ST6GAL1: variants seen among roughly 807,000 people sequenced by gnomAD.
ST6GAL1 encodes the protein ST6 beta-galactoside alpha-2,6-sialyltransferase 1.
In ST6GAL1, 20 loss-of-function variants were observed where a neutral mutation model predicts 38.0. The ratio of observed to expected loss-of-function variants is 0.53; its 90% CI spans 0.37 to 0.77. The LOEUF is 0.77. Ranked by LOEUF, ST6GAL1 falls within the 30% of genes least tolerant of loss-of-function variation. The pLI is 0.00. For synonymous variants in ST6GAL1, 196 were observed against 188.2 expected (o/e 1.04, Z -0.34); for missense variants, 432 against 496.4 (o/e 0.87, Z 1.23).
At chr3:186,943,062 G>A (rs1320805732) in intron 1 of ST6GAL1, among the ~76,000 whole-genome samples, 1 of 152,170 alleles carries the variant, frequency 6.6e-6, no homozygotes, top group Non-Finnish European at 1.5e-5. Context: ...TGCTTCCAGA[G>A]CTTAGTTGAA....
chr3:187,063,469 A>G (rs149892556), intron 5 of ST6GAL1, among the ~76,000 whole-genome samples: 1 of 152,332 alleles, frequency 6.6e-6, no homozygotes, highest in East Asian at 1.9e-4. Flanking sequence ...TGATGAATGG[A>G]GTAGGATTTC....
chr3:187,072,556 G>A (rs1719420915), intron 5 of ST6GAL1: 1 of 374,678 alleles, frequency 2.7e-6, no homozygotes, highest in South Asian at 2.2e-5. Flanking sequence ...CCAGGAGGCT[G>A]GGATGCCGTG....
chr3:187,022,920 C>T (rs1717380922), intron 2 of ST6GAL1, among the ~76,000 whole-genome samples: 1 of 152,100 alleles, frequency 6.6e-6, no homozygotes, highest in Admixed American at 6.6e-5. Flanking sequence ...CCTTTTATGG[C>T]CTTAGGTATT....
At chr3:187,060,092 T>C (rs576455322) in intron 5 of ST6GAL1, among the ~76,000 whole-genome samples, 360 of 152,218 alleles carry the variant, frequency 2.4e-3, no homozygotes, top group Non-Finnish European at 4.0e-3. Flanking sequence ...GGTGAGTATA[T>C]GTGGGACTAT....
chr3:187,053,224 A>G (rs1326332731), intron 5 of ST6GAL1, among the ~76,000 whole-genome samples: 1 of 152,132 alleles, frequency 6.6e-6, no homozygotes, highest in African/African-American at 2.4e-5. Flanking sequence ...ATAGGTTACA[A>G]AAATTTTCTC....
intron 1 of ST6GAL1, among the ~76,000 whole-genome samples, chr3:186,932,109 C>G (rs911720282): frequency 1.3e-5 from 2 of 151,016 alleles, no homozygotes; most frequent in East Asian, 3.9e-4. Flanking sequence ...GCTGCCTCAC[C>G]TTGGCTAGTG....
intron 5 of ST6GAL1, 194 bp from the exon 6 acceptor site, chr3:187,072,655 G>A: frequency 3.4e-6 from 2 of 583,916 alleles, no homozygotes; most frequent in South Asian, 1.7e-5. Context: ...TGTGATAAAT[G>A]TCCTTTCAGG....
intron 5 of ST6GAL1, among the ~76,000 whole-genome samples, chr3:187,068,465 T>G (rs913212293): frequency 6.7e-6 from 1 of 150,278 alleles, no homozygotes; most frequent in Non-Finnish European, 1.5e-5. Context: ...TCTATTTCTT[T>G]AATCATAAAA....
At chr3:186,980,603 CAA>C (rs34503745) in intron 2 of ST6GAL1, among the ~76,000 whole-genome samples, 4,689 of 92,142 alleles carry the variant, frequency 0.051, 139 homozygotes, top group African/African-American at 0.12. Flanking sequence ...ACTAAAATTA[CAA>C]AAAAAAAAAA....
intron 2 of ST6GAL1, among the ~76,000 whole-genome samples, chr3:187,019,757 AC>A (rs1717233452): frequency 1.3e-5 from 2 of 152,244 alleles, no homozygotes; most frequent in Non-Finnish European, 2.9e-5. Context: ...TCTGGGGGCA[AC>A]AGGGTGTCAA....
At chr3:186,954,205 C>T (rs1714673793) in intron 1 of ST6GAL1, among the ~76,000 whole-genome samples, 1 of 152,164 alleles carries the variant, frequency 6.6e-6, no homozygotes, top group Non-Finnish European at 1.5e-5. Context: ...TGTATATGTA[C>T]CACATTTTCT....
chr3:187,046,193 AC>A (rs1481568370), intron 4 of ST6GAL1, among the ~76,000 whole-genome samples: 22 of 152,196 alleles, frequency 1.4e-4, no homozygotes, highest in Non-Finnish European at 2.9e-4. Context: ...AAAGGACCTT[AC>A]CTGAGAGGGC....
chr3:187,048,354 C>T (rs553660974), intron 4 of ST6GAL1, among the ~76,000 whole-genome samples: 8 of 152,254 alleles, frequency 5.3e-5, no homozygotes, highest in South Asian at 4.1e-4. Context: ...TTTTCTTCCC[C>T]TCACTCCTTG....
At chr3:187,004,273 C>T (rs1466431068) in intron 2 of ST6GAL1, among the ~76,000 whole-genome samples, 2 of 152,222 alleles carry the variant, frequency 1.3e-5, no homozygotes, top group Non-Finnish European at 2.9e-5. Context: ...ATTAAATCTC[C>T]TTTCTCTGTA....
chr3:186,938,872 A>G (rs1714059664), intron 1 of ST6GAL1, among the ~76,000 whole-genome samples: 1 of 152,104 alleles, frequency 6.6e-6, no homozygotes, highest in Non-Finnish European at 1.5e-5. Context: ...AGCCATAGCT[A>G]TTTCAGTCAC....
Position 187,076,818 on chromosome 3 carries a change from A to G in ST6GAL1, c.*1015A>G, listed in dbSNP as rs1028508016. The G allele has an allele frequency of 6.8e-5, 27 of 399,012 alleles. No individual in the cohort carries two copies. Among genetic ancestry groups the G allele is most frequent in the African/African-American group, 5.1e-4 (25 of 48,730 alleles). 24.7% of individuals were successfully genotyped at this position (399,012 alleles called of 1,614,324 possible). A position where few individuals can be genotyped will look rare whatever the true frequency, so the allele number is the denominator to read the frequency against. Reference sequence around the variant, plus strand: ...CCTCCTACCCATGTCTGAGGTAGCAAGTGCAGCCTCACGACAGATACCAGG... The same window carrying G: ...CCTCCTACCCATGTCTGAGGTAGCAGGTGCAGCCTCACGACAGATACCAGG... On this transcript the variant is annotated 3_prime_UTR_variant, in exon 8 of 8. Transcript: ENST00000169298.
intron 2 of ST6GAL1, among the ~76,000 whole-genome samples, chr3:186,988,920 A>G (rs558467219): frequency 1.2e-3 from 187 of 152,268 alleles, no homozygotes; most frequent in African/African-American, 4.4e-3. Context: ...ACCCTGTGTC[A>G]AAACAAAAAA....
intron 5 of ST6GAL1, among the ~76,000 whole-genome samples, chr3:187,057,591 AC>A (rs1718751684): frequency 6.6e-6 from 1 of 152,080 alleles, no homozygotes; most frequent in Non-Finnish European, 1.5e-5. Context: ...TCCACTCCAG[AC>A]CCTGTTTGCC....
At position 187,008,823 on chromosome 3, in the gene ST6GAL1, G is replaced by A. The variant is rs558051417; in HGVS notation, c.-182-29919G>A. Among the ~76,000 whole-genome samples the A allele has an allele frequency of 6.6e-5, 10 of 151,962 alleles. No individual in the cohort carries two copies. In the East Asian group the frequency reaches 1.5e-3, roughly 23 times the overall value. ...TATTTCCTTTAAGTCTTTTTTTTCT[G>A]TGAATATGCGTTTCTCTTTTTCTTT... On this transcript the variant is annotated intron_variant, in intron 2 of 7. Transcript: ENST00000169298.
Sources: gnomAD v4.1 joint callset for allele counts (sites outside exome capture counted in the v4.1 genomes callset) on GRCh38, gnomAD v4.1.1 for gene constraint, MANE v1.5 for transcripts, NCBI Gene and HGNC (gene_info 2026-07-23, HGNC 2026-07-21) for gene names.